The following TENM2 variants were observed in gnomAD, a reference collection of about 807,000 sequenced individuals.
The protein encoded by TENM2 is teneurin transmembrane protein 2.
Under a neutral mutation model 245.2 loss-of-function variants are expected in TENM2, and 52 were observed. That is an observed-to-expected ratio of 0.21 (90% CI 0.17 to 0.27). The LOEUF (loss-of-function observed/expected upper bound fraction) is 0.27. Ranked by LOEUF, TENM2 falls within the 10% of genes least tolerant of loss-of-function variation. TENM2 has a pLI of 1.00. For synonymous variants in TENM2, 1,363 were observed against 1,438.9 expected (o/e 0.95, Z 1.19); for missense variants, 3,046 against 3,666.8 (o/e 0.83, Z 4.37).
chr5:167,132,250 A>G, the TENM2 span, among the ~76,000 whole-genome samples: 2 of 152,328 alleles, frequency 1.3e-5, no homozygotes, highest in African/African-American at 4.8e-5. Flanking sequence ...GCGTACACCT[A>G]TGTAACCACT....
intron 3 of TENM2, among the ~76,000 whole-genome samples, chr5:167,883,601 G>A (rs1774051313): frequency 6.6e-6 from 1 of 152,170 alleles, no homozygotes; most frequent in Non-Finnish European, 1.5e-5. Context: ...AAAATTCTCA[G>A]GGTCGATAGG....
At chr5:167,393,569 T>G (rs938481572) in intron 2 of TENM2, among the ~76,000 whole-genome samples, 3 of 152,138 alleles carry the variant, frequency 2.0e-5, no homozygotes, top group Admixed American at 1.3e-4. Flanking sequence ...TTGGGCAGAA[T>G]AGCAGGAAAC....
chr5:167,012,131 T>C, the TENM2 span, among the ~76,000 whole-genome samples: 3 of 152,196 alleles, frequency 2.0e-5, no homozygotes, highest in African/African-American at 7.2e-5. Flanking sequence ...TTCCTTACTC[T>C]ATAGAAGTCT....
chr5:167,390,969 C>A (rs1443745228), intron 2 of TENM2, among the ~76,000 whole-genome samples: 1 of 152,168 alleles, frequency 6.6e-6, no homozygotes, highest in African/African-American at 2.4e-5. Context: ...TCAGCTCCAG[C>A]TCAACTGAGC....
At chr5:167,576,682 C>T (rs1351407286) in intron 2 of TENM2, among the ~76,000 whole-genome samples, 1 of 151,930 alleles carries the variant, frequency 6.6e-6, no homozygotes, top group African/African-American at 2.4e-5. Flanking sequence ...AATAGAATAC[C>T]CTGAGAAGAG....
intron 1 of TENM2, among the ~76,000 whole-genome samples, chr5:167,288,566 A>T (rs1754438631): frequency 1.3e-5 from 2 of 152,004 alleles, no homozygotes; most frequent in African/African-American, 4.8e-5. Context: ...CTCAAAAAAA[A>T]AAAAAAAAGA....
intron 3 of TENM2, among the ~76,000 whole-genome samples, chr5:167,909,713 T>C (rs1426051971): frequency 6.6e-6 from 1 of 152,226 alleles, no homozygotes; most frequent in African/African-American, 2.4e-5. Context: ...GACTGTATTA[T>C]CACCCAAATG....
chr5:167,303,863 C>G (rs1167843078), intron 1 of TENM2, among the ~76,000 whole-genome samples: 2 of 152,166 alleles, frequency 1.3e-5, no homozygotes, highest in Non-Finnish European at 2.9e-5. Flanking sequence ...CAGGCAGTGT[C>G]TCTCAGGGCT....
intron 3 of TENM2, among the ~76,000 whole-genome samples, chr5:167,897,291 CT>C (rs35104265): frequency 1.3e-4 from 20 of 149,060 alleles, no homozygotes; most frequent in African/African-American, 4.9e-4. Context: ...GAACTGGTAC[CT>C]TTTTTTTTTC....
At chr5:167,651,252 C>G (rs932162613) in intron 2 of TENM2, among the ~76,000 whole-genome samples, 1 of 151,938 alleles carries the variant, frequency 6.6e-6, no homozygotes, top group African/African-American at 2.4e-5. Flanking sequence ...AAGTGTAAGG[C>G]TGAATATATG....
intron 1 of TENM2, among the ~76,000 whole-genome samples, chr5:167,298,306 T>C (rs1390409183): frequency 1.3e-5 from 2 of 152,094 alleles, no homozygotes; most frequent in African/African-American, 4.8e-5. Flanking sequence ...TTTGTATGAA[T>C]TGAAAAACTA....
chr5:167,765,076 C>T (rs955916014), intron 2 of TENM2, among the ~76,000 whole-genome samples: 2 of 152,128 alleles, frequency 1.3e-5, no homozygotes, highest in Non-Finnish European at 2.9e-5. Context: ...GGCCTTATTG[C>T]ATTTTTCACT....
At chr5:167,467,774 T>C (rs1211442194) in intron 2 of TENM2, among the ~76,000 whole-genome samples, 1 of 152,218 alleles carries the variant, frequency 6.6e-6, no homozygotes, top group Non-Finnish European at 1.5e-5. Flanking sequence ...GCTTGATTTA[T>C]GTATATGGTA....
chr5:168,098,561 T>G (rs1793552196), intron 9 of TENM2, among the ~76,000 whole-genome samples: 1 of 152,150 alleles, frequency 6.6e-6, no homozygotes, highest in South Asian at 2.1e-4. Flanking sequence ...GGTTTTAAAT[T>G]GTATTATTAA....
the TENM2 span, among the ~76,000 whole-genome samples, chr5:167,270,066 C>T: frequency 6.6e-6 from 1 of 152,072 alleles, no homozygotes; most frequent in African/African-American, 2.4e-5. Context: ...CCAAGTGCAT[C>T]TAATTTAAGA....
chr5:168,055,027 G>A (rs1789419336), intron 6 of TENM2, among the ~76,000 whole-genome samples: 2 of 152,136 alleles, frequency 1.3e-5, no homozygotes, highest in Non-Finnish European at 2.9e-5. Flanking sequence ...GACATGAACT[G>A]GACTGGTTCC....
chr5:167,065,604 A>G, the TENM2 span, among the ~76,000 whole-genome samples: 1 of 152,238 alleles, frequency 6.6e-6, no homozygotes, highest in Admixed American at 6.5e-5. Flanking sequence ...TCAGCTAACT[A>G]CAAATAATAC....
intron 6 of TENM2, among the ~76,000 whole-genome samples, chr5:168,056,354 A>G (rs1156895872): frequency 6.6e-6 from 1 of 152,232 alleles, no homozygotes; most frequent in Non-Finnish European, 1.5e-5. Flanking sequence ...CAAAAGTTAT[A>G]CACACTCATT....
chr5:167,640,828 G>T (rs1582624580), intron 2 of TENM2, among the ~76,000 whole-genome samples: 1 of 92,152 alleles, frequency 1.1e-5, no homozygotes, highest in African/African-American at 3.6e-5. Context: ...AATAGAAATA[G>T]AAATATATAT....
Sources: allele counts gnomAD v4.1 joint callset (sites outside exome capture counted in the v4.1 genomes callset), GRCh38; gene constraint gnomAD v4.1.1; transcripts MANE v1.5; gene names NCBI Gene and HGNC (gene_info 2026-07-23, HGNC 2026-07-21).